Variants in MEI1 observed in about 807,000 individuals in gnomAD.
MEI1 encodes the protein meiotic double-stranded break formation protein 1.
MEI1 carries 103 observed loss-of-function variants against 146.2 expected under a neutral mutation model. That is an observed-to-expected ratio of 0.70 (90% CI 0.60 to 0.83). The LOEUF (loss-of-function observed/expected upper bound fraction) is 0.83. MEI1 is among the 40% of genes least tolerant of loss of function. The probability of loss-of-function intolerance (pLI) is 0.00; values close to 1 mark genes in which losing one functional copy is unlikely to be tolerated. For missense variants in MEI1, 1,529 were observed against 1,533.0 expected (o/e 1.00, Z 0.04); for synonymous variants, 652 against 628.2 (o/e 1.04, Z -0.57).
chr22:41,747,736 C>CCCCA (rs1569240908), intron 14 of MEI1, among the ~76,000 whole-genome samples: 1 of 133,228 alleles, frequency 7.5e-6, no homozygotes, highest in Non-Finnish European at 1.6e-5. Context: ...CCCACCCCCC[C>CCCCA]AAAAAAAACA....
At chr22:41,777,076 C>G (rs1315661470) in intron 21 of MEI1, among the ~76,000 whole-genome samples, 1 of 151,904 alleles carries the variant, frequency 6.6e-6, no homozygotes, top group Non-Finnish European at 1.5e-5. Context: ...CTCAGCCTCC[C>G]AAAGTGGTTG....
chr22:41,749,223 G>A (rs2073565270), intron 15 of MEI1, among the ~76,000 whole-genome samples: 1 of 152,104 alleles, frequency 6.6e-6, no homozygotes. Flanking sequence ...TGGAGAGGCA[G>A]CCAGGGCTCA....
chr22:41,761,444 A>G (rs2074486547), intron 18 of MEI1, among the ~76,000 whole-genome samples: 1 of 151,082 alleles, frequency 6.6e-6, no homozygotes, highest in Admixed American at 6.6e-5. Flanking sequence ...CCTCCTGAGT[A>G]GCTGGAAATT....
Position 41,785,714 on chromosome 22 carries a change from C to T in MEI1, c.3345+931C>T, listed in dbSNP as rs1293462892. Among the ~76,000 whole-genome samples the T allele has an allele frequency of 5.9e-5, 9 of 151,330 alleles. No individual in the cohort carries two copies. The South Asian group carries it at 1.7e-3, about 28-fold the overall frequency. ...GAGTAGCTGGGATTACAGGTGCATGCCACCATGCCCGGCTAATTTTTGTAT... is the reference window on the plus strand; with the variant it reads ...GAGTAGCTGGGATTACAGGTGCATGTCACCATGCCCGGCTAATTTTTGTAT... On this transcript the variant is annotated intron_variant, in intron 26 of 30. Coordinates refer to ENST00000401548, the MANE Select transcript of MEI1 (RefSeq NM_152513.4).
At chr22:41,752,514 G>C (rs968476597) in intron 15 of MEI1, 77 bp from the exon 16 acceptor site, 2 of 1,315,220 alleles carry the variant, frequency 1.5e-6, no homozygotes, top group African/African-American at 2.9e-5. Flanking sequence ...AGAGCTTTTT[G>C]ATACCACCCA....
At chr22:41,734,985 G>T (rs1019428210) in intron 11 of MEI1, among the ~76,000 whole-genome samples, 1 of 150,334 alleles carries the variant, frequency 6.7e-6, no homozygotes, top group Non-Finnish European at 1.5e-5. Context: ...TTTTTGAGAT[G>T]GAGTCTCCCT....
At chr22:41,714,213 T>G in intron 4 of MEI1, 138 bp downstream of exon 4, 1 of 764,540 alleles carries the variant, frequency 1.3e-6, no homozygotes, top group Non-Finnish European at 2.2e-6. Flanking sequence ...GGTGGCAGAG[T>G]CAGAGCTAAG....
At chr22:41,763,696 G>A (rs768590456) in intron 19 of MEI1, among the ~76,000 whole-genome samples, 5 of 151,628 alleles carry the variant, frequency 3.3e-5, no homozygotes, top group South Asian at 4.2e-4. Context: ...GGGTTCAAGC[G>A]ATTCTCCTGC....
chr22:41,795,466 T>G lies in MEI1; in HGVS notation c.3590T>G (p.Leu1197Arg). Residue 1197 changes from leucine to arginine, a missense_variant, in exon 29 of 31, where the codon CTG (leucine) becomes CGG (arginine). By Grantham distance (102) the Leu-to-Arg change is moderately radical. Around this residue, in one of 3 missense-constraint regions of MEI1, gnomAD observed 313 missense variants for 337.3 expected, o/e 0.93. Transcript: ENST00000401548. This position sits in a 1 kb window ranked among gnomAD's most constrained non-coding sequence, Gnocchi z 4.2. Reference sequence around the variant, plus strand: ...TCTCATGAAGAGGTGGGTGATGTTCTGCAAGGTGTGGCTTTGGCTGACCTG... The same window carrying G: ...TCTCATGAAGAGGTGGGTGATGTTCGGCAAGGTGTGGCTTTGGCTGACCTG... Reference protein sequence around the residue: ...VLSHEEVGDVLQGVALADLST... With the variant: ...VLSHEEVGDVRQGVALADLST... 4.3e-6 allele frequency: 7 copies of G among 1,613,746 alleles called. No individual in the cohort carries two copies. The highest frequency in any genetic ancestry group is 5.9e-6 in the Non-Finnish European group (7 of 1,179,860).
chr22:41,758,547 G>A lies in MEI1; in HGVS notation c.2120+14G>A, dbSNP rs2074244663. 6.2e-7 allele frequency: 1 copy of A among 1,601,568 alleles called. No individual in the cohort carries two copies. The highest frequency in any genetic ancestry group is 8.5e-7 in the Non-Finnish European group (1 of 1,170,820). On this transcript the variant is annotated intron_variant, in intron 18 of 30. Transcript: ENST00000401548. ...CCATGAAGACAGGTCAGTGCACAGAGGTGGGTGGCTGGTGGTGGGTCTTGG... is the reference window on the plus strand; with the variant it reads ...CCATGAAGACAGGTCAGTGCACAGAAGTGGGTGGCTGGTGGTGGGTCTTGG...
chr22:41,763,101 G>A (rs1213596726), intron 18 of MEI1, 73 bp from the exon 19 acceptor site: 17 of 1,545,436 alleles, frequency 1.1e-5, no homozygotes, highest in South Asian at 2.4e-5. Context: ...GGAAGGATGC[G>A]GCCAGGCAGA....
chr22:41,704,857 G>T (rs1406936394), intron 2 of MEI1, among the ~76,000 whole-genome samples: 1 of 152,092 alleles, frequency 6.6e-6, no homozygotes, highest in Non-Finnish European at 1.5e-5. Flanking sequence ...TGGGACTACA[G>T]GTGCCCGTCA....
chr22:41,792,174 G>A (rs1291335921), intron 26 of MEI1, among the ~76,000 whole-genome samples: 1 of 152,128 alleles, frequency 6.6e-6, no homozygotes, highest in Non-Finnish European at 1.5e-5. Context: ...TTAAAAACTG[G>A]TGTCAAGGGA....
intron 8 of MEI1, 44 bp downstream of exon 8, chr22:41,729,823 TG>T: frequency 7.4e-7 from 1 of 1,342,858 alleles, no homozygotes. Flanking sequence ...ACTAGAAGGA[TG>T]GGGTGGTGAC....
chr22:41,716,892 T>C (rs2070255484), intron 5 of MEI1, among the ~76,000 whole-genome samples: 1 of 151,714 alleles, frequency 6.6e-6, no homozygotes, highest in Middle Eastern at 3.4e-3. Flanking sequence ...AGTTTCACCA[T>C]GTTAGCCAGG....
chr22:41,701,937 G>A (rs2068745673), intron 1 of MEI1, among the ~76,000 whole-genome samples: 1 of 152,174 alleles, frequency 6.6e-6, no homozygotes, highest in Non-Finnish European at 1.5e-5. Flanking sequence ...GAGACAGGTT[G>A]AGGACAGTTA....
chr22:41,700,544 T>C (rs187474612), intron 1 of MEI1, among the ~76,000 whole-genome samples: 10 of 152,276 alleles, frequency 6.6e-5, no homozygotes, highest in Non-Finnish European at 1.2e-4. Flanking sequence ...TTGGCCAGGC[T>C]GGTCTCGAAC....
At chr22:41,779,663 A>C (rs1276769924) in intron 22 of MEI1, among the ~76,000 whole-genome samples, 1 of 152,208 alleles carries the variant, frequency 6.6e-6, no homozygotes, top group African/African-American at 2.4e-5. Flanking sequence ...TAGATAGAGA[A>C]TGTCACACAG....
At chr22:41,787,930 A>G (rs2076047750) in intron 26 of MEI1, among the ~76,000 whole-genome samples, 1 of 152,260 alleles carries the variant, frequency 6.6e-6, no homozygotes, top group Non-Finnish European at 1.5e-5. Context: ...CGAAATGCCC[A>G]ATGAGCATCT....
Sources: allele counts gnomAD v4.1 joint callset (sites outside exome capture counted in the v4.1 genomes callset), GRCh38; gene constraint gnomAD v4.1.1; regional missense constraint gnomAD v4.1.1; non-coding constraint Gnocchi (gnomAD v3.1); transcripts MANE v1.5; gene names NCBI Gene and HGNC (gene_info 2026-07-23, HGNC 2026-07-21).